The following RBPJ variants were observed in gnomAD, a reference collection of about 807,000 sequenced individuals.
RBPJ encodes recombining binding protein suppressor of hairless.
In RBPJ, 9 loss-of-function variants were observed where a neutral mutation model predicts 67.8. The observed-to-expected ratio is 0.13, with a 90% CI of 0.08 to 0.23. The LOEUF (loss-of-function observed/expected upper bound fraction) is 0.23. RBPJ is among the 10% of genes least tolerant of loss of function. The pLI, the probability that RBPJ is intolerant of heterozygous loss-of-function variation, is 1.00. For missense variants in RBPJ, 305 were observed against 595.6 expected, an observed-to-expected ratio of 0.51 and a Z score of 5.08; for synonymous variants, 198 against 203.3, an observed-to-expected ratio of 0.97 and a Z score of 0.22.
intron 1 of RBPJ, among the ~76,000 whole-genome samples, chr4:26,346,408 C>T (rs1330127966): frequency 6.6e-6 from 1 of 152,156 alleles, no homozygotes; most frequent in South Asian, 2.1e-4. Flanking sequence ...GCTGCCTAAT[C>T]TTATTATGCA....
chr4:26,286,895 T>C (rs1056034701), intron 1 of RBPJ, among the ~76,000 whole-genome samples: 3 of 151,678 alleles, frequency 2.0e-5, no homozygotes, highest in Admixed American at 6.6e-5. Flanking sequence ...CAAGCCATTC[T>C]CCTGCTTCAG....
chr4:26,335,200 G>A (rs1315860093), intron 1 of RBPJ, among the ~76,000 whole-genome samples: 1 of 151,744 alleles, frequency 6.6e-6, no homozygotes, highest in Non-Finnish European at 1.5e-5. Flanking sequence ...TATTGTTTTC[G>A]AGATGAAGTT....
At chr4:26,353,822 G>A (rs1458255009) in intron 1 of RBPJ, among the ~76,000 whole-genome samples, 4 of 151,728 alleles carry the variant, frequency 2.6e-5, no homozygotes, top group Non-Finnish European at 5.9e-5. Context: ...TGTTGGTCAG[G>A]CTGGTCTTGA....
At chr4:26,114,496 T>TATATATATATATATATATATATATAG in the RBPJ span, among the ~76,000 whole-genome samples, 1 of 146,926 alleles carries the variant, frequency 6.8e-6, no homozygotes, top group South Asian at 2.2e-4. Context: ...TATATATATA[T>TATATATATATATATATATATATATAG]ATGTATGTGT....
intron 1 of RBPJ, among the ~76,000 whole-genome samples, chr4:26,189,208 C>A (rs1717387514): frequency 6.6e-6 from 1 of 152,124 alleles, no homozygotes; most frequent in Non-Finnish European, 1.5e-5. Context: ...CAGGGCAAGA[C>A]CCTGTCTCTA....
At chr4:26,287,609 G>T (rs1335488903) in intron 1 of RBPJ, among the ~76,000 whole-genome samples, 1 of 34,512 alleles carries the variant, frequency 2.9e-5, no homozygotes, top group Non-Finnish European at 6.8e-5. Context: ...GGGAGGGGAG[G>T]GGAGGGGAGG....
chr4:26,403,087 T>G (rs1733013327), intron 2 of RBPJ, among the ~76,000 whole-genome samples: 1 of 152,190 alleles, frequency 6.6e-6, no homozygotes, highest in Non-Finnish European at 1.5e-5. Context: ...AAAGTAAAAT[T>G]AATTACGTAT....
chr4:26,330,466 C>T (rs1724116231), intron 1 of RBPJ, among the ~76,000 whole-genome samples: 1 of 152,158 alleles, frequency 6.6e-6, no homozygotes, highest in Non-Finnish European at 1.5e-5. Context: ...AACTGACCCC[C>T]GGATTATATT....
rs1275624813 is a variant in RBPJ at position 26,432,706 on chromosome 4, C to T, written c.*1699C>T. 6.6e-6 allele frequency: 1 copy of T among 152,150 alleles called. No homozygotes were observed. Among genetic ancestry groups the T allele is most frequent in the Non-Finnish European group, 1.5e-5 (1 of 68,024 alleles). The allele number at this position is 152,150 out of a possible 1,614,324, so 9.4% of individuals were successfully genotyped here. A position where few individuals can be genotyped will look rare whatever the true frequency, so the allele number is the denominator to read the frequency against. ...ATCATCCCTCTTAGAGTAAAAACTA[C>T]CTCTAGATTGTGGTAAGCTTTTACT... On this transcript the variant is annotated 3_prime_UTR_variant, in exon 11 of 11. Transcript: ENST00000355476.
At chr4:26,219,990 A>T (rs144578201) in intron 1 of RBPJ, among the ~76,000 whole-genome samples, 26 of 150,932 alleles carry the variant, frequency 1.7e-4, no homozygotes, top group Non-Finnish European at 3.1e-4. Flanking sequence ...TCACTATGTT[A>T]GCCAGGATGG....
At chr4:26,184,915 G>A (rs891607047) in intron 1 of RBPJ, among the ~76,000 whole-genome samples, 1 of 152,140 alleles carries the variant, frequency 6.6e-6, no homozygotes, top group African/African-American at 2.4e-5. Context: ...GCCAAGATGG[G>A]CAGATCACCT....
At chr4:26,357,925 T>C (rs1343386986) in intron 1 of RBPJ, among the ~76,000 whole-genome samples, 1 of 152,126 alleles carries the variant, frequency 6.6e-6, no homozygotes, top group Non-Finnish European at 1.5e-5. Flanking sequence ...CAGAATAGTA[T>C]TCCATTCTAT....
Position 26,420,763 on chromosome 4 carries a change from A to G in RBPJ, c.496+38A>G, listed in dbSNP as rs768810166. ...TTCTTATTTATCCCCAACTGCCACC[A>G]TGAATTAATAAGACAGACTCTTTTT... On this transcript the variant is annotated intron_variant, in intron 5 of 10. Coordinates refer to ENST00000355476, the MANE Select transcript of RBPJ (RefSeq NM_015874.6). 7 of 1,502,068 alleles carry G rather than the reference A, an allele frequency of 4.7e-6. No homozygotes were observed. In the Admixed American group the frequency reaches 6.3e-5, roughly 13 times the overall value. The allele number at this position is 1,502,068 out of a possible 1,614,324, so 93.0% of individuals were successfully genotyped here.
chr4:26,111,558 T>G, the RBPJ span, among the ~76,000 whole-genome samples: 4 of 152,178 alleles, frequency 2.6e-5, no homozygotes, highest in Non-Finnish European at 5.9e-5. Context: ...AAAAAAACTC[T>G]ACGATATGCA....
At position 26,370,227 on chromosome 4, in the gene RBPJ, A is replaced by C. The variant is rs1031245798; in HGVS notation, c.21-16126A>C. 2.4e-4 allele frequency among the ~76,000 whole-genome samples: 36 copies of C among 151,778 alleles called. 1 individual carries two copies. Among genetic ancestry groups the C allele is most frequent in the African/African-American group, 8.7e-4 (36 of 41,420 alleles). ...TTGATAAATAATAGGAAAAATTAACAGTTAGAATGACTCCCTTTCAACTTG... is the reference window on the plus strand; with the variant it reads ...TTGATAAATAATAGGAAAAATTAACCGTTAGAATGACTCCCTTTCAACTTG... On this transcript the variant is annotated intron_variant, in intron 1 of 10. Coordinates refer to ENST00000355476, the MANE Select transcript of RBPJ (RefSeq NM_015874.6).
intron 2 of RBPJ, among the ~76,000 whole-genome samples, chr4:26,395,669 G>T (rs1732047131): frequency 6.6e-6 from 1 of 152,044 alleles, no homozygotes; most frequent in African/African-American, 2.4e-5. Context: ...GCCATTAGTG[G>T]AAGCACCCCG....
At chr4:26,316,635 G>GAT (rs536110250), upstream of RBPJ, among the ~76,000 whole-genome samples, 22 of 131,584 alleles carry the variant, frequency 1.7e-4, no homozygotes, top group African/African-American at 5.4e-4. Context: ...TACACATATT[G>GAT]ATATATATAT....
At chr4:26,256,879 T>C (rs1266043197) in intron 1 of RBPJ, among the ~76,000 whole-genome samples, 1 of 152,198 alleles carries the variant, frequency 6.6e-6, no homozygotes, top group Non-Finnish European at 1.5e-5. Context: ...GTCACATTAG[T>C]GCTGGAGCTT....
At chr4:26,127,012 A>T in the RBPJ span, among the ~76,000 whole-genome samples, 15 of 152,332 alleles carry the variant, frequency 9.8e-5, no homozygotes, top group Non-Finnish European at 2.2e-4. Context: ...GATTCAGCCG[A>T]CCACACACGT....
Sources: gnomAD v4.1 joint callset for allele counts (sites outside exome capture counted in the v4.1 genomes callset) on GRCh38, gnomAD v4.1.1 for gene constraint, MANE v1.5 for transcripts, NCBI Gene and HGNC (gene_info 2026-07-23, HGNC 2026-07-21) for gene names.